PARP8: variants seen among roughly 807,000 people sequenced by gnomAD.
PARP8 encodes protein mono-ADP-ribosyltransferase PARP8.
Under a neutral mutation model 124.1 loss-of-function variants are expected in PARP8, and 51 were observed. The observed-to-expected ratio is 0.41, with a 90% CI of 0.33 to 0.52. The LOEUF (loss-of-function observed/expected upper bound fraction) is 0.52. PARP8 is among the 20% of genes least tolerant of loss of function. The pLI is 0.21. For synonymous variants in PARP8, 391 were observed against 361.5 expected (o/e 1.08, Z -0.93); for missense variants, 860 against 1,018.9 (o/e 0.84, Z 2.12).
intron 22 of PARP8, among the ~76,000 whole-genome samples, chr5:50,830,792 G>GTA (rs1746871628): frequency 6.6e-6 from 1 of 151,282 alleles, no homozygotes; most frequent in African/African-American, 2.4e-5. Flanking sequence ...AACTGCATAT[G>GTA]TAATTAGTTT....
chr5:50,731,876 G>C (rs1757008920), intron 2 of PARP8, among the ~76,000 whole-genome samples: 1 of 152,128 alleles, frequency 6.6e-6, no homozygotes, highest in Non-Finnish European at 1.5e-5. Flanking sequence ...TATTCGAACA[G>C]ACATGAGATT....
At chr5:50,688,259 C>G (rs1018499346) in intron 2 of PARP8, among the ~76,000 whole-genome samples, 5 of 152,030 alleles carry the variant, frequency 3.3e-5, no homozygotes, top group African/African-American at 1.2e-4. Flanking sequence ...CTTGGAAAAC[C>G]AGGGAACAGT....
At chr5:50,798,539 G>C (rs1465461957) in intron 14 of PARP8, among the ~76,000 whole-genome samples, 2 of 151,442 alleles carry the variant, frequency 1.3e-5, no homozygotes, top group South Asian at 4.2e-4. Context: ...TCCTGCCTCA[G>C]CCTCCCTAGT....
rs897694401 is a variant in PARP8, at chr5:50,709,928, A to G, written c.147-40223A>G. ...AATATGAGGTAGAAAGAGTGTATAT[A>G]TATATATATATATATATATATATAT... On this transcript the variant is annotated intron_variant, in intron 2 of 25. Transcript: ENST00000281631. Among the ~76,000 whole-genome samples the G allele has an allele frequency of 5.1e-3, 195 of 38,200 alleles. No homozygotes were observed. In the East Asian group the frequency reaches 0.095, roughly 19 times the overall value. 25.1% of individuals were successfully genotyped at this position (38,200 alleles called of 152,430 possible). A position where few individuals can be genotyped will look rare whatever the true frequency, so the allele number is the denominator to read the frequency against.
chr5:50,778,878 G>A (rs1490292755), intron 9 of PARP8, among the ~76,000 whole-genome samples: 1 of 152,088 alleles, frequency 6.6e-6, no homozygotes, highest in Non-Finnish European at 1.5e-5. Context: ...ACAAGTTTCT[G>A]AGACACAAAC....
chr5:50,744,991 C>A, intron 2 of PARP8: 1 of 494,326 alleles, frequency 2.0e-6, no homozygotes, highest in African/African-American at 1.9e-5. Flanking sequence ...TTGAGCCAAT[C>A]ATCCATGTCT....
At chr5:50,794,074 T>TTTTCATACAAGACG (rs2149647154) in intron 10 of PARP8, 133 bp from the exon 11 acceptor site, 3 of 973,398 alleles carry the variant, frequency 3.1e-6, no homozygotes, top group East Asian at 5.9e-5. Flanking sequence ...CTTGTATGAT[T>TTTTCATACAAGACG]CTAAATTAGC....
chr5:50,687,785 C>T (rs563107257), intron 2 of PARP8, among the ~76,000 whole-genome samples: 19 of 152,262 alleles, frequency 1.2e-4, no homozygotes, highest in Middle Eastern at 3.4e-3. Flanking sequence ...CTCACTGTCA[C>T]GAAAGCAGCA....
At chr5:50,841,767 G>A (rs1748210007) in intron 25 of PARP8, among the ~76,000 whole-genome samples, 199 bp from the exon 26 acceptor site, 1 of 151,446 alleles carries the variant, frequency 6.6e-6, no homozygotes, top group Non-Finnish European at 1.5e-5. Context: ...GAAGAAAGGG[G>A]AAAATTTAGG....
intron 2 of PARP8, among the ~76,000 whole-genome samples, chr5:50,715,195 G>A (rs1164457350): frequency 3.3e-5 from 5 of 151,918 alleles, no homozygotes; most frequent in Admixed American, 6.6e-5. Context: ...CAACATGACC[G>A]CAGTGCAAAA....
At chr5:50,691,954 T>C (rs1199356853) in intron 2 of PARP8, among the ~76,000 whole-genome samples, 1 of 152,192 alleles carries the variant, frequency 6.6e-6, no homozygotes, top group Non-Finnish European at 1.5e-5. Flanking sequence ...ATCAGTCAAA[T>C]GGCTGATACT....
intron 7 of PARP8, among the ~76,000 whole-genome samples, chr5:50,775,119 G>A (rs1172058044): frequency 1.3e-4 from 19 of 152,000 alleles, no homozygotes; most frequent in African/African-American, 2.2e-4. Flanking sequence ...GACGATGGGC[G>A]GCCAGGCAGA....
At position 50,829,136 on chromosome 5, in the gene PARP8, G is replaced by A. The variant is rs16877045; in HGVS notation, c.2163+752G>A. The stretch of plus-strand genomic sequence containing the variant: ...AGAGCCATCTGATACCTGCTTTTCC[G>A]CCTCCAGGACAGTACTTGGTGTTAG... On this transcript the variant is annotated intron_variant, in intron 21 of 25. Transcript: ENST00000281631. 1.1e-3 allele frequency among the ~76,000 whole-genome samples: 160 copies of A among 152,182 alleles called. 2 individuals carry two copies. In the South Asian group the frequency reaches 0.021, roughly 20 times the overall value.
At chr5:50,779,562 G>C (rs1472187511) in intron 9 of PARP8, among the ~76,000 whole-genome samples, 2 of 152,192 alleles carry the variant, frequency 1.3e-5, no homozygotes, top group Non-Finnish European at 1.5e-5. Flanking sequence ...TGGTGACTGG[G>C]ATGCAAATGC....
At chr5:50,838,001 G>A (rs1197066739) in intron 25 of PARP8, among the ~76,000 whole-genome samples, 1 of 150,310 alleles carries the variant, frequency 6.7e-6, no homozygotes, top group Admixed American at 6.7e-5. Context: ...CTAGGACATT[G>A]AGACCCATAT....
Position 50,794,910 on chromosome 5 carries a change from G to T in PARP8, c.921G>T (p.Glu307Asp), listed in dbSNP as rs1258268974. The T allele has an allele frequency of 1.2e-6, 2 of 1,614,160 alleles. No individual in the cohort carries two copies. Among genetic ancestry groups the T allele is most frequent in the East Asian group, 2.2e-5 (1 of 44,874 alleles). Residue 307 changes from glutamate to aspartate, a missense_variant, in exon 12 of 26, where the codon GAG becomes GAT. Coordinates refer to ENST00000281631, the MANE Select transcript of PARP8 (RefSeq NM_024615.4). ...CGKSKSKLKS[E>D]QDGISKTHKL... The stretch of plus-strand genomic sequence containing the variant: ...AAAGCAAATCCAAACTGAAATCTGA[G>T]CAGGACGGAATCTCCAAAACGCATA...
intron 14 of PARP8, among the ~76,000 whole-genome samples, chr5:50,808,383 C>T (rs192027587): frequency 3.9e-5 from 6 of 152,046 alleles, no homozygotes; most frequent in East Asian, 3.9e-4. Context: ...GAAAAAGTTA[C>T]GTATTAATCA....
At chr5:50,743,446 A>T (rs1424205883) in intron 2 of PARP8, among the ~76,000 whole-genome samples, 1 of 152,148 alleles carries the variant, frequency 6.6e-6, no homozygotes, top group East Asian at 1.9e-4. Context: ...ATTACCTTCT[A>T]GCTTGAGACA....
intron 14 of PARP8, among the ~76,000 whole-genome samples, chr5:50,812,819 C>G (rs1324309321): frequency 6.6e-6 from 1 of 152,134 alleles, no homozygotes; most frequent in Non-Finnish European, 1.5e-5. Flanking sequence ...TATGGCTAGC[C>G]AGTTTTCCCA....
Sources: gnomAD v4.1 joint callset for allele counts (sites outside exome capture counted in the v4.1 genomes callset) on GRCh38, gnomAD v4.1.1 for gene constraint, MANE v1.5 for transcripts, NCBI Gene and HGNC (gene_info 2026-07-23, HGNC 2026-07-21) for gene names.